The following HSPA12B variants were observed in gnomAD, a reference collection of about 807,000 sequenced individuals.
HSPA12B encodes heat shock protein family A (Hsp70) member 12B, also known as heat shock 70 kDa protein 12B.
A neutral mutation model predicts 69.3 loss-of-function variants in HSPA12B; 54 were observed. The observed-to-expected ratio is 0.78, with a 90% CI of 0.63 to 0.98. HSPA12B has a LOEUF of 0.98. HSPA12B is among the 50% of genes least tolerant of loss of function. The pLI, the probability that HSPA12B is intolerant of heterozygous loss-of-function variation, is 0.00. For synonymous variants in HSPA12B, 441 were observed against 436.5 expected (o/e 1.01, Z -0.13); for missense variants, 929 against 999.8 (o/e 0.93, Z 0.96).
At chr20:3,741,487 G>A (rs1335909776) in intron 3 of HSPA12B, among the ~76,000 whole-genome samples, 1 of 152,086 alleles carries the variant, frequency 6.6e-6, no homozygotes, top group African/African-American at 2.4e-5. Flanking sequence ...ACAACAATTA[G>A]CTGGGCGTGG....
At chr20:3,751,229 G>C (rs1300575452) in intron 12 of HSPA12B, 21 of 982,796 alleles carry the variant, frequency 2.1e-5, no homozygotes, top group Admixed American at 6.1e-5. Context: ...TGCACACAAT[G>C]TCTAGGTGTT....
In HSPA12B at chr20:3,749,561, G is replaced by T. The variant is rs516681; in HGVS notation, c.938-189G>T. Reference sequence around the variant, plus strand: ...TTGCAGAGCCTCTGGAACCATTTCTGCCCCACACCCTGCGCCCATATGTGG... The same window carrying T: ...TTGCAGAGCCTCTGGAACCATTTCTTCCCCACACCCTGCGCCCATATGTGG... On this transcript the variant is annotated intron_variant, in intron 9 of 12. Transcript: ENST00000254963. This position sits in a 1 kb window ranked among gnomAD's most constrained non-coding sequence, Gnocchi z 5.5. 6.6e-6 allele frequency among the ~76,000 whole-genome samples: 1 copy of T among 152,116 alleles called. No homozygotes were observed. The highest frequency in any genetic ancestry group is 1.5e-5 in the Non-Finnish European group (1 of 68,024).
Position 3,745,343 on chromosome 20 carries a change from G to T in HSPA12B, c.454-150G>T. On this transcript the variant is annotated intron_variant, in intron 5 of 12. Coordinates refer to ENST00000254963, the MANE Select transcript of HSPA12B (RefSeq NM_052970.5). This position sits in a 1 kb window ranked among gnomAD's most constrained non-coding sequence, Gnocchi z 5.6. ...AGGGGTGGGGCTAAGGAGAGGGGTC[G>T]GGGCAGAGCTAATGTCACATGGGGC... 1 of 671,536 alleles carries T rather than the reference G, an allele frequency of 1.5e-6. No homozygotes were observed. Among genetic ancestry groups the T allele is most frequent in the Non-Finnish European group, 2.6e-6 (1 of 379,604 alleles). The allele number at this position is 671,536 out of a possible 1,614,324, so 41.6% of individuals were successfully genotyped here.
chr20:3,751,112 T>C (rs2088412687), intron 12 of HSPA12B: 1 of 573,402 alleles, frequency 1.7e-6, no homozygotes, highest in East Asian at 1.4e-4. Context: ...AAAAAACTTC[T>C]GGTGCCTCAG....
Position 3,752,152 on chromosome 20 carries a change from T to C in HSPA12B, c.2047T>C (p.Phe683Leu). The change falls in exon 13 of 13, where the codon TTT (phenylalanine) becomes CTT (leucine). Residue 683 changes from phenylalanine to leucine, a missense_variant. Phe to Leu is a conservative substitution (Grantham distance 22). Transcript: ENST00000254963. ...TCGCTCCGTGCGCGCGTCCATCGACTTTCTTTCCAACTGAGGGCGCGCCGG... is the reference window on the plus strand; with the variant it reads ...TCGCTCCGTGCGCGCGTCCATCGACCTTCTTTCCAACTGAGGGCGCGCCGG... Reference protein sequence around the residue: ...TNRSVRASIDFLSN With the variant: ...TNRSVRASIDLLSN 1 of 1,456,448 alleles carries C rather than the reference T, an allele frequency of 6.9e-7. No individual in the cohort carries two copies. Among genetic ancestry groups the C allele is most frequent in the Non-Finnish European group, 9.0e-7 (1 of 1,111,596 alleles). The allele number at this position is 1,456,448 out of a possible 1,614,324, so 90.2% of individuals were successfully genotyped here.
At chr20:3,743,112 C>T (rs7273763) in intron 4 of HSPA12B, among the ~76,000 whole-genome samples, 19,318 of 149,294 alleles carry the variant, frequency 0.13, 1,477 homozygotes, top group East Asian at 0.25. Flanking sequence ...TCTCAAATTC[C>T]TGACTTCGGG....
At position 3,737,321 on chromosome 20, in the gene HSPA12B, ACCTC is replaced by A. The variant is rs1196799866; in HGVS notation, c.-17-1333_-17-1330del. ...TCTTAGAAAATAAATATTCTTCCTC[ACCTC>A]CCTTCAGCTTTAGCGCCCTCCAACT... On this transcript the variant is annotated intron_variant, in intron 1 of 12. Coordinates refer to ENST00000254963, the MANE Select transcript of HSPA12B (RefSeq NM_052970.5). This position sits in a 1 kb window ranked among gnomAD's most constrained non-coding sequence, Gnocchi z 4.1. Among the ~76,000 whole-genome samples the A allele has an allele frequency of 1.3e-5, 2 of 151,296 alleles. No individual in the cohort carries two copies. The highest frequency in any genetic ancestry group is 4.9e-5 in the African/African-American group (2 of 41,050).
At chr20:3,750,991 C>A in intron 12 of HSPA12B, 84 bp downstream of exon 12, 1 of 1,132,694 alleles carries the variant, frequency 8.8e-7, no homozygotes, top group Non-Finnish European at 1.3e-6. Context: ...TGCCTAGATA[C>A]CTCCACACAT....
Position 3,749,144 on chromosome 20 carries a change from G to A in HSPA12B, c.851-88G>A. The A allele has an allele frequency of 1.7e-6, 2 of 1,162,954 alleles. No homozygotes were observed. Among genetic ancestry groups the A allele is most frequent in the Non-Finnish European group, 2.5e-6 (2 of 806,594 alleles). 72.0% of individuals were successfully genotyped at this position (1,162,954 alleles called of 1,614,324 possible). A position where few individuals can be genotyped will look rare whatever the true frequency, so the allele number is the denominator to read the frequency against. On this transcript the variant is annotated intron_variant, in intron 8 of 12. Coordinates refer to ENST00000254963, the MANE Select transcript of HSPA12B (RefSeq NM_052970.5). The surrounding 1 kb of genome is among the most constrained non-coding windows in gnomAD (Gnocchi z 5.5). ...AGCACTGGCTGCTCCCAGTGCCCAT[G>A]GAGGTCCTGGGCAGGAGGATGGGAG...
Position 3,740,736 on chromosome 20 carries a change from C to T in HSPA12B, c.44-79C>T. On this transcript the variant is annotated intron_variant, in intron 2 of 12. Coordinates refer to ENST00000254963, the MANE Select transcript of HSPA12B (RefSeq NM_052970.5). The surrounding 1 kb of genome is among the most constrained non-coding windows in gnomAD (Gnocchi z 4.9). ...AGCCCAGCAAGGACTGATGGAGAAC[C>T]TTTGGGTGCCTGGCTTGGGGCCCCG... 8.8e-7 allele frequency: 1 copy of T among 1,132,212 alleles called. No individual in the cohort carries two copies. The highest frequency in any genetic ancestry group is 1.3e-5 in the South Asian group (1 of 76,690). The allele number at this position is 1,132,212 out of a possible 1,614,324, so 70.1% of individuals were successfully genotyped here. A position where few individuals can be genotyped will look rare whatever the true frequency, so the allele number is the denominator to read the frequency against.
intron 1 of HSPA12B, among the ~76,000 whole-genome samples, chr20:3,734,597 G>A (rs968714948): frequency 2.6e-5 from 4 of 152,106 alleles, no homozygotes; most frequent in African/African-American, 4.8e-5. Context: ...CCTAGCTTTC[G>A]GGAGCTGGGC....
rs757023154 is a variant in HSPA12B, at chr20:3,750,220, A to G, written c.1294A>G (p.Arg432Gly). Reference sequence around the variant, plus strand: ...CCACAACGTGGAGACCGCTCTGCGCAGGAGCAGGTGGGTCCTGAGCCCGCG... The same window carrying G: ...CCACAACGTGGAGACCGCTCTGCGCGGGAGCAGGTGGGTCCTGAGCCCGCG... ...RGHNVETALR[R>G]SSVNFVKWSS... Residue 432 changes from arginine (R) to glycine (G), a missense_variant, in exon 11 of 13, where the codon AGG becomes GGG. Around this residue, in one of 3 missense-constraint regions of HSPA12B, gnomAD observed 448 missense variants for 448.1 expected, o/e 1.00. Coordinates refer to ENST00000254963, the MANE Select transcript of HSPA12B (RefSeq NM_052970.5). 3.4e-5 allele frequency: 54 copies of G among 1,597,736 alleles called. No individual in the cohort carries two copies. Among genetic ancestry groups the G allele is most frequent in the Non-Finnish European group, 4.4e-5 (52 of 1,168,752 alleles).
rs2088145309 is a variant in HSPA12B, at chr20:3,738,687, C to G, written c.13C>G (p.Pro5Ala). MLAV[P>A]EMGLQGLYIG... ...AGGGCCTGCAAGGATGTTGGCTGTC[C>G]CGGAGATGGGCCTGCAGGGGCTGTA... Residue 5 changes from proline (P) to alanine (A), a missense_variant, in exon 2 of 13, where the codon CCG becomes GCG. Pro to Ala is a conservative substitution (Grantham distance 27, BLOSUM62 -1). This residue lies in a region of HSPA12B where 477 missense variants were observed against 535.2 expected (regional missense o/e 0.89). Transcript: ENST00000254963. 1 of 1,614,006 alleles carries G rather than the reference C, an allele frequency of 6.2e-7. No individual in the cohort carries two copies. The highest frequency in any genetic ancestry group is 8.5e-7 in the Non-Finnish European group (1 of 1,180,028).
Position 3,737,015 on chromosome 20 carries a change from C to T in HSPA12B, c.-17-1643C>T, listed in dbSNP as rs546847558. Among the ~76,000 whole-genome samples, 3 of 152,014 alleles carry T rather than the reference C, an allele frequency of 2.0e-5. No homozygotes were observed. The East Asian group carries it at 5.8e-4, about 29-fold the overall frequency. On this transcript the variant is annotated intron_variant, in intron 1 of 12. Coordinates refer to ENST00000254963, the MANE Select transcript of HSPA12B (RefSeq NM_052970.5). This position sits in a 1 kb window ranked among gnomAD's most constrained non-coding sequence, Gnocchi z 4.1. ...AGTGAGCTGAGAACTGAGATCACGC[C>T]ACTGCACTCCAGCCTGGGGGACAGA...
chr20:3,747,104 A>G (rs1038621064), intron 7 of HSPA12B, among the ~76,000 whole-genome samples: 2 of 152,140 alleles, frequency 1.3e-5, no homozygotes, highest in East Asian at 1.9e-4. Context: ...AGATGCTCAA[A>G]GGTCTAGAGC....
chr20:3,750,312 GT>G, intron 11 of HSPA12B, 85 bp downstream of exon 11: 1 of 1,347,772 alleles, frequency 7.4e-7, no homozygotes, highest in Non-Finnish European at 9.9e-7. Context: ...CCAAGGAACG[GT>G]GGGGGTCTGC....
rs1163661357 is a variant in HSPA12B, at chr20:3,745,206, A to G, written c.453+118A>G. Reference sequence around the variant, plus strand: ...GACCGGCCCGATGGAGTCGTGGCTGAGAGGGGGCGGGGCTAAAGGGAGACG... The same window carrying G: ...GACCGGCCCGATGGAGTCGTGGCTGGGAGGGGGCGGGGCTAAAGGGAGACG... On this transcript the variant is annotated intron_variant, in intron 5 of 12. Transcript: ENST00000254963. The surrounding 1 kb of genome is among the most constrained non-coding windows in gnomAD (Gnocchi z 5.6). 1.0e-5 allele frequency: 10 copies of G among 963,484 alleles called. No individual in the cohort carries two copies. Among genetic ancestry groups the G allele is most frequent in the African/African-American group, 3.3e-5 (2 of 60,830 alleles). The allele number at this position is 963,484 out of a possible 1,614,324, so 59.7% of individuals were successfully genotyped here.
chr20:3,750,840 C>T lies in HSPA12B; in HGVS notation c.1338C>T (p.Leu446=). ...TGAAGTGGTCCTCACAGGGGATGCT[C>T]CGAATGTCTTGTGAAGCCATGAACG... is the stretch of plus-strand genomic sequence containing the variant. The part of the protein sequence containing the change: ...NFVKWSSQGM[L]RMSCEAMNEL... The change falls in exon 12 of 13, where the codon CTC becomes CTT. Residue 446 remains leucine, a synonymous_variant. Coordinates refer to ENST00000254963, the MANE Select transcript of HSPA12B (RefSeq NM_052970.5). 6.2e-7 allele frequency: 1 copy of T among 1,613,986 alleles called. No individual in the cohort carries two copies. The highest frequency in any genetic ancestry group is 1.1e-5 in the South Asian group (1 of 91,090).
rs2088170980 is a variant in HSPA12B, at chr20:3,739,965, G to A, written c.44-850G>A. 2.0e-5 allele frequency among the ~76,000 whole-genome samples: 3 copies of A among 152,200 alleles called. No individual in the cohort carries two copies. The South Asian group carries it at 6.2e-4, about 31-fold the overall frequency. ...GCCCCTTAGCAATGCCCAGTGTGGT[G>A]GTGGCAGCTACCAGCCAGGCAGGCC... On this transcript the variant is annotated intron_variant, in intron 2 of 12. Transcript: ENST00000254963.
Sources: gnomAD v4.1 joint callset for allele counts (sites outside exome capture counted in the v4.1 genomes callset) on GRCh38, gnomAD v4.1.1 for gene constraint, gnomAD v4.1.1 regional missense constraint, Gnocchi (gnomAD v3.1) non-coding constraint, MANE v1.5 for transcripts, NCBI Gene and HGNC (gene_info 2026-07-23, HGNC 2026-07-21) for gene names.